OTOF: variants seen among roughly 807,000 people sequenced by gnomAD.
OTOF encodes otoferlin.
Under a neutral mutation model 236.8 loss-of-function variants are expected in OTOF, and 218 were observed. The ratio of observed to expected loss-of-function variants is 0.92; its 90% confidence interval spans 0.82 to 1.03. The LOEUF (loss-of-function observed/expected upper bound fraction) is 1.03, where lower values mean the gene tolerates loss of function less well. Among genes scored for constraint, OTOF ranks in the 50% least tolerant of loss-of-function variants. The probability of loss-of-function intolerance (pLI) is 0.00; values close to 1 mark genes in which losing one functional copy is unlikely to be tolerated. For synonymous variants in OTOF, 1,041 were observed against 1,072.5 expected, an observed-to-expected ratio of 0.97 and a Z score of 0.57; for missense variants, 2,590 against 2,694.4, an observed-to-expected ratio of 0.96 and a Z score of 0.86.
At chr2:26,542,745 G>T (rs1667237763) in intron 1 of OTOF, among the ~76,000 whole-genome samples, 1 of 152,312 alleles carries the variant, frequency 6.6e-6, no homozygotes, top group East Asian at 1.9e-4. Context: ...AGAATGGTCT[G>T]CCCTCAGGGA....
At chr2:26,541,349 C>T (rs1026518285) in intron 1 of OTOF, among the ~76,000 whole-genome samples, 2 of 152,158 alleles carry the variant, frequency 1.3e-5, no homozygotes, top group Non-Finnish European at 2.9e-5. Flanking sequence ...TGTGCTAAAA[C>T]CTCATTGATT....
At chr2:26,526,372 TG>T (rs1181300644) in intron 3 of OTOF, among the ~76,000 whole-genome samples, 1 of 148,990 alleles carries the variant, frequency 6.7e-6, no homozygotes, top group African/African-American at 2.5e-5. Flanking sequence ...GATGGAGGGA[TG>T]GATTGATGAA....
chr2:26,494,823 C>T, intron 9 of OTOF, 119 bp downstream of exon 9: 1 of 1,173,890 alleles, frequency 8.5e-7, no homozygotes, highest in Non-Finnish European at 1.3e-6. Context: ...GGGTGGATCA[C>T]CCCTGCTGGT....
At chr2:26,479,711 C>T (rs903163325) in intron 16 of OTOF, 58 bp from the exon 17 acceptor site, 31 of 1,550,102 alleles carry the variant, frequency 2.0e-5, no homozygotes, top group Middle Eastern at 1.7e-4. Context: ...CCCCTCCCAC[C>T]GTCCAATCCG....
At chr2:26,480,672 A>C (rs2148056695) in intron 15 of OTOF, 114 bp downstream of exon 15, 1 of 846,756 alleles carries the variant, frequency 1.2e-6, no homozygotes, top group Middle Eastern at 3.3e-4. Context: ...ATCCTGAGGT[A>C]TGACTCCTCA....
At position 26,460,558 on chromosome 2, in the gene OTOF, A is replaced by C; in HGVS notation, c.5813+89T>G. On this transcript the variant is annotated intron_variant, in intron 45 of 46. Transcript: ENST00000272371. This position sits in a 1 kb window ranked among gnomAD's most constrained non-coding sequence, Gnocchi z 5.3. ...CCTGTAATGAGGCTGTGGCCCAGGA[A>C]GAGATGGGGTGTCTGGGGATCGTCT... 4 of 1,023,708 alleles carry C rather than the reference A, an allele frequency of 3.9e-6. No individual in the cohort carries two copies. The highest frequency in any genetic ancestry group is 6.1e-6 in the Non-Finnish European group (4 of 659,482). 63.4% of individuals were successfully genotyped at this position (1,023,708 alleles called of 1,614,324 possible).
intron 3 of OTOF, among the ~76,000 whole-genome samples, chr2:26,525,532 G>A (rs1027822107): frequency 3.9e-5 from 6 of 152,216 alleles, no homozygotes; most frequent in Non-Finnish European, 1.5e-5. Flanking sequence ...AAAGCCTTCT[G>A]GGAGGGTAGG....
chr2:26,493,406 A>G (rs920632140), intron 9 of OTOF, among the ~76,000 whole-genome samples: 1 of 152,196 alleles, frequency 6.6e-6, no homozygotes, highest in East Asian at 1.9e-4. Flanking sequence ...TACTTGGGAC[A>G]GCCTGGCACC....
intron 10 of OTOF, 81 bp from the exon 11 acceptor site, chr2:26,489,376 T>C (rs1196796146): frequency 1.0e-5 from 11 of 1,095,172 alleles, no homozygotes; most frequent in African/African-American, 4.6e-5. Flanking sequence ...ACCCGAGCTT[T>C]GTGGTGAAGT....
intron 1 of OTOF, among the ~76,000 whole-genome samples, chr2:26,539,233 G>T (rs1667153028): frequency 6.6e-6 from 1 of 152,132 alleles, no homozygotes; most frequent in Non-Finnish European, 1.5e-5. Flanking sequence ...AAGAGAAGGG[G>T]TTGTAATTTC....
At chr2:26,545,707 C>T (rs1479613899) in intron 1 of OTOF, among the ~76,000 whole-genome samples, 1 of 152,098 alleles carries the variant, frequency 6.6e-6, no homozygotes, top group African/African-American at 2.4e-5. Context: ...ATCCATCTTA[C>T]ATTAATTTTT....
At chr2:26,500,692 A>T (rs1184905664) in intron 8 of OTOF, among the ~76,000 whole-genome samples, 1 of 152,210 alleles carries the variant, frequency 6.6e-6, no homozygotes, top group African/African-American at 2.4e-5. Flanking sequence ...GAAACTAACT[A>T]AAACAAAGAT....
At chr2:26,474,367 G>A in intron 26 of OTOF, 146 bp downstream of exon 26, 1 of 73,426 alleles carries the variant, frequency 1.4e-5, no homozygotes, top group Non-Finnish European at 2.4e-5. Context: ...CCAGCCCCCA[G>A]CCCCAGGCCC....
rs779836763 is a variant in OTOF, at chr2:26,474,680, G to T, written c.3127-6C>A. 1.2e-6 allele frequency: 2 copies of T among 1,613,140 alleles called. No individual in the cohort carries two copies. On this transcript the variant is annotated splice_region_variant and splice_polypyrimidine_tract_variant and intron_variant, in intron 25 of 46. Transcript: ENST00000272371. ...CCCATGAAGTCAGCTTTGCCCTGAC[G>T]CAACAGACAACCCAGAAGCCTCTTG... is the stretch of plus-strand genomic sequence containing the variant.
Position 26,461,942 on chromosome 2 carries a change from G to T in OTOF, c.5292-5C>A. ...TCCTGCTGGCCCTTCAGCCACCTGT[G>T]GGCGCCACATCTCCAGACCCGCAGC... On this transcript the variant is annotated splice_polypyrimidine_tract_variant and splice_region_variant and intron_variant, in intron 42 of 46. Transcript: ENST00000272371. The surrounding 1 kb of genome is among the most constrained non-coding windows in gnomAD (Gnocchi z 6.2). 1 of 1,614,014 alleles carries T rather than the reference G, an allele frequency of 6.2e-7. No individual in the cohort carries two copies. The highest frequency in any genetic ancestry group is 1.1e-5 in the South Asian group (1 of 91,082).
rs142219516 is a variant in OTOF at position 26,484,530 on chromosome 2, C to G, written c.1149G>C (p.Gly383=). 128 of 1,613,892 alleles carry G rather than the reference C, an allele frequency of 7.9e-5. No homozygotes were observed. The highest frequency in any genetic ancestry group is 1.1e-4 in the Non-Finnish European group (126 of 1,180,028). The part of the protein sequence containing the change: ...VKCDVAVVGK[G]DNIKTPHKAN... ...CCTTGTGGGGCGTCTTGATGTTGTC[C>G]CCTTTGCCCACCACGGCAACGTCAC... Residue 383 remains glycine (G), a synonymous_variant, in exon 12 of 47, where the codon GGG becomes GGC. Transcript: ENST00000272371.
rs182336353 is a variant in OTOF, at chr2:26,534,237, T to C, written c.138+3479A>G. 5.2e-4 allele frequency among the ~76,000 whole-genome samples: 79 copies of C among 152,300 alleles called. 2 individuals carry two copies. Among genetic ancestry groups the C allele is most frequent in the Admixed American group, 5.0e-3 (76 of 15,302 alleles). On this transcript the variant is annotated intron_variant, in intron 2 of 46. Transcript: ENST00000272371. Reference sequence around the variant, plus strand: ...GTGCTCAGTAAATAGCAGCAGTTCTTCTTATCATTGGCACAAGTACTATTG... The same window carrying C: ...GTGCTCAGTAAATAGCAGCAGTTCTCCTTATCATTGGCACAAGTACTATTG...
chr2:26,558,496 G>A lies in OTOF; in HGVS notation c.76C>T (p.Arg26Ter), dbSNP rs145208539. ...RGDRIAKVTFRGQSFYSRVLE... is the reference protein window; with the variant it reads ...RGDRIAKVTF ...TCTGAGACAGCGGCTTCCCTACCTC[G>A]GAAAGTCACTTTGGCGATCCGGTCG... Residue 26 changes from arginine to a stop codon, truncating the protein, a stop_gained, in exon 1 of 47, where the codon CGA (arginine) becomes TGA (stop). Coordinates refer to ENST00000272371, the MANE Select transcript of OTOF (RefSeq NM_194248.3). LOFTEE classifies it high-confidence loss of function. 40 of 1,613,550 alleles carry A rather than the reference G, an allele frequency of 2.5e-5. No individual in the cohort carries two copies. Among genetic ancestry groups the A allele is most frequent in the Non-Finnish European group, 3.3e-5 (39 of 1,179,736 alleles).
intron 33 of OTOF, among the ~76,000 whole-genome samples, chr2:26,467,733 G>C (rs887915908): frequency 2.0e-5 from 3 of 152,222 alleles, no homozygotes; most frequent in Non-Finnish European, 4.4e-5. Context: ...CTTTGGAAGA[G>C]AGGGGCAGGA....
Sources: gnomAD v4.1 joint callset for allele counts (sites outside exome capture counted in the v4.1 genomes callset) on GRCh38, gnomAD v4.1.1 for gene constraint, Gnocchi (gnomAD v3.1) non-coding constraint, MANE v1.5 for transcripts, NCBI Gene and HGNC (gene_info 2026-07-23, HGNC 2026-07-21) for gene names.